The following TPRA1 variants were observed in gnomAD, a reference collection of about 807,000 sequenced individuals.
TPRA1 encodes transmembrane protein adipocyte associated 1, also known as transmembrane protein adipocyte-associated 1.
TPRA1 carries 28 observed loss-of-function variants against 40.1 expected under a neutral mutation model. That is an observed-to-expected ratio of 0.70 (90% CI 0.52 to 0.96). TPRA1 has a LOEUF of 0.96. Ranked by LOEUF, TPRA1 falls within the 40% of genes least tolerant of loss-of-function variation. TPRA1 has a pLI of 0.00. For synonymous variants in TPRA1, 219 were observed against 209.7 expected (o/e 1.04, Z -0.38); for missense variants, 441 against 482.6 (o/e 0.91, Z 0.81).
In TPRA1 at chr3:127,575,392, C is replaced by A; in HGVS notation, c.773+11G>T. 1.3e-6 allele frequency: 2 copies of A among 1,574,116 alleles called. No individual in the cohort carries two copies. Among genetic ancestry groups the A allele is most frequent in the South Asian group, 2.3e-5 (2 of 86,670 alleles). On this transcript the variant is annotated intron_variant, in intron 9 of 10. Coordinates refer to ENST00000355552, the MANE Select transcript of TPRA1 (RefSeq NM_001136053.4). ...CCCCCACGAGGCAGACACCCTGCGG[C>A]CCCCACGCACCAGAGCCCCTCGATG...
At chr3:127,595,649 C>G (rs1427040006), upstream of TPRA1, 2 of 152,258 alleles carry the variant, frequency 1.3e-5, no homozygotes, top group Non-Finnish European at 2.9e-5. Flanking sequence ...GCTAGGATCT[C>G]CTCTCCTTCA....
Position 127,576,726 on chromosome 3 carries a change from G to A in TPRA1, c.419-30C>T, listed in dbSNP as rs2073645150. 2 of 1,610,300 alleles carry A rather than the reference G, an allele frequency of 1.2e-6. No homozygotes were observed. Among genetic ancestry groups the A allele is most frequent in the Non-Finnish European group, 1.7e-6 (2 of 1,178,316 alleles). Reference sequence around the variant, plus strand: ...AAGAAACATGCTGGTCAGCAGGCAGGAGCCAGCCCAGGTGACCACTCCAGA... The same window carrying A: ...AAGAAACATGCTGGTCAGCAGGCAGAAGCCAGCCCAGGTGACCACTCCAGA... On this transcript the variant is annotated intron_variant, in intron 5 of 10. Coordinates refer to ENST00000355552, the MANE Select transcript of TPRA1 (RefSeq NM_001136053.4). This position sits in a 1 kb window ranked among gnomAD's most constrained non-coding sequence, Gnocchi z 4.6.
chr3:127,596,103 G>C (rs1576406905), intron 1 of TPRA1, among the ~76,000 whole-genome samples: 1 of 151,104 alleles, frequency 6.6e-6, no homozygotes, highest in East Asian at 1.9e-4. Flanking sequence ...TTTTGAGATA[G>C]AGTTTCGCTC....
At chr3:127,588,851 T>C (rs777510940) in intron 1 of TPRA1, among the ~76,000 whole-genome samples, 6 of 152,198 alleles carry the variant, frequency 3.9e-5, no homozygotes, top group Non-Finnish European at 5.9e-5. Context: ...TGTCCCCTTA[T>C]ACAGAGGAGA....
rs982986765 is a variant in TPRA1, at chr3:127,587,614, C to T, written c.-18+2796G>A. On this transcript the variant is annotated intron_variant, in intron 1 of 10. Transcript: ENST00000355552. ...TAATAAGGGTGCCGTAAGGATCAAA[C>T]AAAACCAGGGATGTAAACATCTACA... is the stretch of plus-strand genomic sequence containing the variant. Among the ~76,000 whole-genome samples, 4 of 150,428 alleles carry T rather than the reference C, an allele frequency of 2.7e-5. No homozygotes were observed. The South Asian group carries it at 8.4e-4, about 32-fold the overall frequency.
At chr3:127,583,145 CAAA>C (rs745975427) in intron 1 of TPRA1, among the ~76,000 whole-genome samples, 2 of 79,972 alleles carry the variant, frequency 2.5e-5, no homozygotes, top group Non-Finnish European at 2.6e-5. Context: ...GACTCCGTCT[CAAA>C]AAAAAAAAAA....
chr3:127,575,866 C>G, intron 7 of TPRA1, 57 bp from the exon 8 acceptor site: 2 of 1,611,624 alleles, frequency 1.2e-6, no homozygotes, highest in South Asian at 1.1e-5. Flanking sequence ...GACCCACAGC[C>G]AGAAACCCAG....
upstream of TPRA1, chr3:127,598,228 G>C (rs2074268308): frequency 1.7e-6 from 1 of 603,422 alleles, no homozygotes; most frequent in African/African-American, 1.9e-5. Context: ...GCGCAGGCGA[G>C]CGCACGCGCA....
upstream of TPRA1, among the ~76,000 whole-genome samples, chr3:127,592,910 C>T (rs2074203551): frequency 6.6e-6 from 1 of 152,256 alleles, no homozygotes; most frequent in Non-Finnish European, 1.5e-5. Flanking sequence ...TGTCCTGCTT[C>T]TGCTATCTTG....
At position 127,573,911 on chromosome 3, in the gene TPRA1, C is replaced by G. The variant is rs1450232176; in HGVS notation, c.855-123G>C. On this transcript the variant is annotated intron_variant, in intron 10 of 10. Coordinates refer to ENST00000355552, the MANE Select transcript of TPRA1 (RefSeq NM_001136053.4). ...GACCAACAGTCGCCTGACACCCACT[C>G]TGAGTGGGCCTGTGAGCTGGACCCC... The G allele has an allele frequency of 6.3e-6, 8 of 1,272,370 alleles. No individual in the cohort carries two copies. In the Admixed American group the frequency reaches 1.4e-4, roughly 23 times the overall value. The allele number at this position is 1,272,370 out of a possible 1,614,324, so 78.8% of individuals were successfully genotyped here.
chr3:127,582,107 G>A (rs560785876), intron 1 of TPRA1, among the ~76,000 whole-genome samples: 1 of 152,282 alleles, frequency 6.6e-6, no homozygotes, highest in South Asian at 2.1e-4. Flanking sequence ...GCCCAAGACA[G>A]GGGTGGGGGG....
At chr3:127,584,556 G>C in intron 1 of TPRA1, among the ~76,000 whole-genome samples, 1 of 147,832 alleles carries the variant, frequency 6.8e-6, no homozygotes, top group East Asian at 2.0e-4. Context: ...ACACAGTAGA[G>C]ACTGCTGGGT....
At chr3:127,591,326 T>C (rs979731322), upstream of TPRA1, among the ~76,000 whole-genome samples, 1 of 152,228 alleles carries the variant, frequency 6.6e-6, no homozygotes, top group Non-Finnish European at 1.5e-5. Flanking sequence ...GCAGTCATTA[T>C]AGTCACCTTT....
upstream of TPRA1, among the ~76,000 whole-genome samples, chr3:127,594,096 C>T (rs772423778): frequency 2.6e-5 from 4 of 152,236 alleles, no homozygotes; most frequent in Non-Finnish European, 4.4e-5. Flanking sequence ...TGTGCTCCAG[C>T]GGGCAGAAGA....
At position 127,572,813 on chromosome 3, in the gene TPRA1, G is replaced by A. The variant is rs576198762; in HGVS notation, c.*708C>T. Among the ~76,000 whole-genome samples, 38 of 152,296 alleles carry A rather than the reference G, an allele frequency of 2.5e-4. No individual in the cohort carries two copies. Among genetic ancestry groups the A allele is most frequent in the African/African-American group, 8.9e-4 (37 of 41,580 alleles). On this transcript the variant is annotated 3_prime_UTR_variant, in exon 11 of 11. Transcript: ENST00000355552. The stretch of plus-strand genomic sequence containing the variant: ...ACAGTGTGTGTCTGACAAAGGGAGA[G>A]GGGCTGGCTCACAAAACATAGTTCT...
chr3:127,580,284 C>T, intron 1 of TPRA1, 121 bp from the exon 2 acceptor site: 2 of 1,157,562 alleles, frequency 1.7e-6, no homozygotes, highest in South Asian at 1.6e-5. Flanking sequence ...GTAAACCACC[C>T]TCCCCACCCA....
chr3:127,585,648 G>A (rs2073976527), intron 1 of TPRA1, among the ~76,000 whole-genome samples: 1 of 152,200 alleles, frequency 6.6e-6, no homozygotes, highest in African/African-American at 2.4e-5. Context: ...TGAGAGAAGA[G>A]GCCAAAGACG....
At position 127,597,679 on chromosome 3, in the gene TPRA1, G is replaced by A. The variant is rs17496860; in HGVS notation, c.-391+328C>T. Among the ~76,000 whole-genome samples, 10 of 152,316 alleles carry A rather than the reference G, an allele frequency of 6.6e-5. No individual in the cohort carries two copies. The South Asian group carries it at 2.1e-3, about 32-fold the overall frequency. On this transcript the variant is annotated intron_variant, in intron 1 of 3. Transcript: ENST00000462228. ...GATAACTCCTACTAAAGCCTCAGAT[G>A]TGACCTCCTACAAAATCCCAGAGTT...
At chr3:127,577,149 C>T in intron 3 of TPRA1, 73 bp from the exon 4 acceptor site, 1 of 1,480,188 alleles carries the variant, frequency 6.8e-7, no homozygotes, top group East Asian at 2.3e-5. Flanking sequence ...CAAGCCCACC[C>T]CCATATCTAC....
Sources: allele counts gnomAD v4.1 joint callset (sites outside exome capture counted in the v4.1 genomes callset), GRCh38; gene constraint gnomAD v4.1.1; non-coding constraint Gnocchi (gnomAD v3.1); transcripts MANE v1.5; gene names NCBI Gene and HGNC (gene_info 2026-07-23, HGNC 2026-07-21).